JAM3: variants seen among roughly 807,000 people sequenced by gnomAD.
The protein encoded by JAM3 is junctional adhesion molecule 3, also known as junctional adhesion molecule C.
Under a neutral mutation model 39.4 loss-of-function variants are expected in JAM3, and 31 were observed. That is an observed-to-expected ratio of 0.79 (90% CI 0.59 to 1.06). The LOEUF (loss-of-function observed/expected upper bound fraction) is 1.06, where lower values mean the gene tolerates loss of function less well. JAM3 is among the 50% of genes least tolerant of loss of function. The pLI is 0.00. For synonymous variants in JAM3, 182 were observed against 148.7 expected (o/e 1.22, Z -1.63); for missense variants, 455 against 391.4 (o/e 1.16, Z -1.37).
intron 1 of JAM3, among the ~76,000 whole-genome samples, chr11:134,125,002 C>A (rs983517570): frequency 6.6e-6 from 1 of 152,250 alleles, no homozygotes; most frequent in Admixed American, 6.5e-5. Context: ...CACCCCCCAG[C>A]CTCAGCGCGC....
At chr11:134,149,014 G>A (rs1487635704) in intron 8 of JAM3, 132 bp from the exon 9 acceptor site, 2 of 1,123,170 alleles carry the variant, frequency 1.8e-6, no homozygotes, top group Non-Finnish European at 1.3e-6. Context: ...TTTGTGCTTT[G>A]CAAGCGCTAG....
At chr11:134,090,160 G>T (rs1158553603) in intron 1 of JAM3, among the ~76,000 whole-genome samples, 1 of 152,090 alleles carries the variant, frequency 6.6e-6, no homozygotes, top group South Asian at 2.1e-4. Flanking sequence ...GGGGTTGTTT[G>T]TTTTTTTCTT....
At chr11:134,147,063 A>G (rs1230111056) in intron 6 of JAM3, among the ~76,000 whole-genome samples, 1 of 152,184 alleles carries the variant, frequency 6.6e-6, no homozygotes, top group Non-Finnish European at 1.5e-5. Flanking sequence ...ACGTTTGAGA[A>G]ACTCTGCTCT....
chr11:134,098,811 C>A (rs1942027505), intron 1 of JAM3, among the ~76,000 whole-genome samples: 1 of 152,140 alleles, frequency 6.6e-6, no homozygotes, highest in South Asian at 2.1e-4. Flanking sequence ...GTAAGCACTC[C>A]TTCAGCTAGC....
At position 134,150,465 on chromosome 11, in the gene JAM3, G is replaced by A. The variant is rs1565509099; in HGVS notation, c.*1284G>A. 6.6e-6 allele frequency: 1 copy of A among 152,262 alleles called. No individual in the cohort carries two copies. The highest frequency in any genetic ancestry group is 2.1e-4 in the South Asian group (1 of 4,826). 9.4% of individuals were successfully genotyped at this position (152,262 alleles called of 1,614,324 possible). ...GGAGGCCCTGCCATCCTTGGGCCCTGGCAGTGGCTGTGTCCCAGTGAGCTT... is the reference window on the plus strand; with the variant it reads ...GGAGGCCCTGCCATCCTTGGGCCCTAGCAGTGGCTGTGTCCCAGTGAGCTT... On this transcript the variant is annotated 3_prime_UTR_variant, in exon 9 of 9. Coordinates refer to ENST00000299106, the MANE Select transcript of JAM3 (RefSeq NM_032801.5).
At chr11:134,125,237 C>A (rs1303596179) in intron 1 of JAM3, among the ~76,000 whole-genome samples, 1 of 152,236 alleles carries the variant, frequency 6.6e-6, no homozygotes, top group Non-Finnish European at 1.5e-5. Flanking sequence ...TCTCTCTCAA[C>A]TTAGTTCCAC....
In JAM3 at chr11:134,070,516, G is replaced by A. The variant is rs183922123; in HGVS notation, c.76+1357G>A. Among the ~76,000 whole-genome samples, 5 of 152,310 alleles carry A rather than the reference G, an allele frequency of 3.3e-5. No individual in the cohort carries two copies. In the East Asian group the frequency reaches 9.7e-4, roughly 29 times the overall value. ...TAGCGTATAGATTATGTACGCTAAGGCAAAGTCTGTATACTTTGCCTGAAA... is the reference window on the plus strand; with the variant it reads ...TAGCGTATAGATTATGTACGCTAAGACAAAGTCTGTATACTTTGCCTGAAA... On this transcript the variant is annotated intron_variant, in intron 1 of 8. Coordinates refer to ENST00000299106, the MANE Select transcript of JAM3 (RefSeq NM_032801.5).
chr11:134,083,891 CTTCTTTGCATG>C (rs1941705992), intron 1 of JAM3, among the ~76,000 whole-genome samples: 1 of 152,172 alleles, frequency 6.6e-6, no homozygotes, highest in African/African-American at 2.4e-5. Flanking sequence ...AAATGGGGCA[CTTCTTTGCATG>C]TTCTTTGCAT....
intron 1 of JAM3, among the ~76,000 whole-genome samples, chr11:134,076,766 G>T (rs1003389384): frequency 2.7e-5 from 4 of 150,404 alleles, no homozygotes; most frequent in African/African-American, 9.8e-5. Context: ...TGAACTCCTG[G>T]TCTCAGGTGG....
chr11:134,105,284 C>T (rs1796783027), intron 1 of JAM3, among the ~76,000 whole-genome samples: 1 of 152,090 alleles, frequency 6.6e-6, no homozygotes, highest in Non-Finnish European at 1.5e-5. Flanking sequence ...GCAGAAAAGG[C>T]CTTTGACAAA....
intron 1 of JAM3, among the ~76,000 whole-genome samples, chr11:134,095,299 CT>C (rs559024267): frequency 1.4e-4 from 20 of 147,980 alleles, no homozygotes; most frequent in East Asian, 3.9e-4. Flanking sequence ...ATGGAAAACT[CT>C]TTTTTTTTTA....
chr11:134,108,815 T>A (rs470953), intron 1 of JAM3, among the ~76,000 whole-genome samples: 60,117 of 151,802 alleles, frequency 0.4, 12,949 homozygotes, highest in African/African-American at 0.58. Context: ...ACAACAGAGG[T>A]AAATCAATAA....
chr11:134,105,302 A>T (rs1405856742), intron 1 of JAM3, among the ~76,000 whole-genome samples: 1 of 152,228 alleles, frequency 6.6e-6, no homozygotes, highest in African/African-American at 2.4e-5. Flanking sequence ...AAAATTCAAC[A>T]GCCCTTCATG....
At chr11:134,091,167 C>G (rs1381381065) in intron 1 of JAM3, among the ~76,000 whole-genome samples, 1 of 151,990 alleles carries the variant, frequency 6.6e-6, no homozygotes, top group Non-Finnish European at 1.5e-5. Flanking sequence ...GAGGACCAGC[C>G]TGGGCAACAC....
At chr11:134,105,580 C>T (rs1942168231) in intron 1 of JAM3, among the ~76,000 whole-genome samples, 1 of 152,134 alleles carries the variant, frequency 6.6e-6, no homozygotes, top group African/African-American at 2.4e-5. Flanking sequence ...TTGTAGATGA[C>T]ATGATTGTAT....
Position 134,149,964 on chromosome 11 carries a change from A to G in JAM3, c.*783A>G, listed in dbSNP as rs1339408146. On this transcript the variant is annotated 3_prime_UTR_variant, in exon 9 of 9. Transcript: ENST00000299106. ...GCTAAGGATGTATTTTGATTATTGA[A>G]AAGAAAATTTCTATTTAAACTGTAA... 6.0e-6 allele frequency: 1 copy of G among 166,804 alleles called. No individual in the cohort carries two copies. The allele number at this position is 166,804 out of a possible 1,614,324, so 10.3% of individuals were successfully genotyped here. A position where few individuals can be genotyped will look rare whatever the true frequency, so the allele number is the denominator to read the frequency against.
intron 1 of JAM3, among the ~76,000 whole-genome samples, chr11:134,122,090 C>T (rs1400852285): frequency 6.6e-6 from 1 of 152,026 alleles, no homozygotes; most frequent in African/African-American, 2.4e-5. Flanking sequence ...GTTTTGTTTT[C>T]TGGGATGGGA....
At chr11:134,144,762 A>C in intron 4 of JAM3, 30 bp from the exon 5 acceptor site, 1 of 1,560,196 alleles carries the variant, frequency 6.4e-7, no homozygotes, top group Non-Finnish European at 8.7e-7. Flanking sequence ...TGTCACTGAG[A>C]TCTTAAACAC....
At chr11:134,126,690 G>T (rs1942654542) in intron 1 of JAM3, among the ~76,000 whole-genome samples, 1 of 152,218 alleles carries the variant, frequency 6.6e-6, no homozygotes, top group Non-Finnish European at 1.5e-5. Flanking sequence ...AGCTAGGATA[G>T]CAAAGTCAGT....
Sources: gnomAD v4.1 joint callset for allele counts (sites outside exome capture counted in the v4.1 genomes callset) on GRCh38, gnomAD v4.1.1 for gene constraint, MANE v1.5 for transcripts, NCBI Gene and HGNC (gene_info 2026-07-23, HGNC 2026-07-21) for gene names.